Variants in COL13A1 observed in about 807,000 individuals in gnomAD.
COL13A1 encodes the protein collagen type XIII alpha 1 chain.
A neutral mutation model predicts 130.9 loss-of-function variants in COL13A1; 89 were observed. The observed-to-expected ratio is 0.68, with a 90% CI of 0.57 to 0.81. The LOEUF is 0.81. COL13A1 is among the 30% of genes least tolerant of loss of function. The pLI is 0.00. For synonymous variants in COL13A1, 402 were observed against 341.6 expected (o/e 1.18, Z -1.95); for missense variants, 879 against 934.6 (o/e 0.94, Z 0.78).
chr10:69,855,344 C>T (rs1017363549), intron 2 of COL13A1, among the ~76,000 whole-genome samples: 1 of 152,132 alleles, frequency 6.6e-6, no homozygotes, highest in African/African-American at 2.4e-5. Context: ...CACATGCACG[C>T]CTTCACCATG....
chr10:69,916,645 GACCCCAT>G (rs2063955066), intron 17 of COL13A1, among the ~76,000 whole-genome samples: 4 of 152,174 alleles, frequency 2.6e-5, no homozygotes, highest in Middle Eastern at 3.2e-3. Flanking sequence ...ATGGTAGAGC[GACCCCAT>G]GCTGTCCCAG....
chr10:69,827,646 G>A (rs1453495966), intron 2 of COL13A1, among the ~76,000 whole-genome samples: 1 of 152,140 alleles, frequency 6.6e-6, no homozygotes, highest in East Asian at 1.9e-4. Flanking sequence ...CTACGAATAG[G>A]GCTTTATTTT....
At chr10:69,829,628 C>T (rs574625374) in intron 2 of COL13A1, among the ~76,000 whole-genome samples, 1 of 152,226 alleles carries the variant, frequency 6.6e-6, no homozygotes, top group Non-Finnish European at 1.5e-5. Context: ...TGGCCTGCTC[C>T]ACAAGGAAGG....
At chr10:69,806,372 G>A (rs887017879) in intron 1 of COL13A1, among the ~76,000 whole-genome samples, 20 of 152,180 alleles carry the variant, frequency 1.3e-4, no homozygotes, top group Non-Finnish European at 7.3e-5. Context: ...AGGGAGGGCC[G>A]GCCAAGGGGA....
chr10:69,947,218 G>T, intron 37 of COL13A1, 89 bp from the exon 38 acceptor site: 1 of 1,159,412 alleles, frequency 8.6e-7, no homozygotes, highest in South Asian at 1.3e-5. Context: ...GTGAGGCATT[G>T]GGAGAGTTTG....
At chr10:69,867,488 A>C (rs568503845) in intron 2 of COL13A1, among the ~76,000 whole-genome samples, 1 of 152,218 alleles carries the variant, frequency 6.6e-6, no homozygotes, top group Non-Finnish European at 1.5e-5. Context: ...CTTGTACACA[A>C]GTTCAGGCAG....
chr10:69,803,675 G>A (rs1046254699), intron 1 of COL13A1, among the ~76,000 whole-genome samples: 2 of 152,066 alleles, frequency 1.3e-5, no homozygotes, highest in African/African-American at 4.8e-5. Context: ...GGGAAGAAAT[G>A]GGAGAGGATA....
At chr10:69,889,107 C>A (rs932201802) in intron 9 of COL13A1, among the ~76,000 whole-genome samples, 2 of 152,228 alleles carry the variant, frequency 1.3e-5, no homozygotes, top group Admixed American at 6.5e-5. Context: ...ACCAGGCATC[C>A]CCCGAAGCTA....
intron 4 of COL13A1, among the ~76,000 whole-genome samples, chr10:69,873,443 G>T (rs987288967): frequency 6.6e-6 from 1 of 152,182 alleles, no homozygotes; most frequent in African/African-American, 2.4e-5. Context: ...CGAGGGGAAT[G>T]TGGGCAGACT....
intron 2 of COL13A1, among the ~76,000 whole-genome samples, chr10:69,855,259 G>A (rs1476568827): frequency 6.6e-6 from 1 of 152,212 alleles, no homozygotes; most frequent in Admixed American, 6.5e-5. Context: ...AGATGGCATG[G>A]AAGCAGGCCA....
Position 69,889,375 on chromosome 10 carries a change from C to T in COL13A1, c.577-39C>T, listed in dbSNP as rs190943681. On this transcript the variant is annotated intron_variant, in intron 9 of 40. Transcript: ENST00000645393. ...GACAGAGGGTGGAACTTCTGGGCTG[C>T]GAACAGTGCACCTGGTACTCACCCT... 1.9e-4 allele frequency: 306 copies of T among 1,600,382 alleles called. No individual in the cohort carries two copies. In the African/African-American group the frequency reaches 3.1e-3, roughly 16 times the overall value.
At chr10:69,877,964 C>CGT in intron 5 of COL13A1, 75 bp from the exon 6 acceptor site, 1 of 687,174 alleles carries the variant, frequency 1.5e-6, no homozygotes, top group Non-Finnish European at 2.7e-6. Flanking sequence ...CGTGTGGGTG[C>CGT]CTCTTTCTCA....
chr10:69,815,619 T>A (rs1167021129), intron 1 of COL13A1, among the ~76,000 whole-genome samples: 1 of 152,116 alleles, frequency 6.6e-6, no homozygotes, highest in Non-Finnish European at 1.5e-5. Context: ...GTAGCCTAGA[T>A]GGCACACATC....
chr10:69,902,051 G>T (rs961562916), intron 14 of COL13A1, among the ~76,000 whole-genome samples: 2 of 152,168 alleles, frequency 1.3e-5, no homozygotes, highest in Non-Finnish European at 2.9e-5. Flanking sequence ...CTAGGAGGGA[G>T]AGGACAAAAG....
At chr10:69,931,362 C>T (rs1311577873) in intron 30 of COL13A1, 1 of 365,376 alleles carries the variant, frequency 2.7e-6, no homozygotes, top group Non-Finnish European at 5.6e-6. Flanking sequence ...GACGAGGCTG[C>T]CCTAATCCCA....
chr10:69,814,133 G>A (rs965446354), intron 1 of COL13A1, among the ~76,000 whole-genome samples: 1 of 152,248 alleles, frequency 6.6e-6, no homozygotes, highest in Non-Finnish European at 1.5e-5. Context: ...ATGGGATCAA[G>A]TCCCTGCCCT....
chr10:69,869,911 C>G (rs1415620752), intron 3 of COL13A1, among the ~76,000 whole-genome samples: 1 of 152,206 alleles, frequency 6.6e-6, no homozygotes, highest in African/African-American at 2.4e-5. Flanking sequence ...TGAATATGAT[C>G]CTTGCTGAAA....
intron 2 of COL13A1, among the ~76,000 whole-genome samples, chr10:69,858,203 A>T (rs559659342): frequency 4.0e-5 from 6 of 151,888 alleles, no homozygotes; most frequent in Admixed American, 2.6e-4. Flanking sequence ...AGTGGGCAGT[A>T]TCATATGCTT....
intron 17 of COL13A1, among the ~76,000 whole-genome samples, chr10:69,906,591 A>C (rs566748751): frequency 6.6e-6 from 1 of 151,766 alleles, no homozygotes; most frequent in Non-Finnish European, 1.5e-5. Context: ...CTTGTATCAC[A>C]TTTTCTAATG....
Sources: gnomAD v4.1 joint callset for allele counts (sites outside exome capture counted in the v4.1 genomes callset) on GRCh38, gnomAD v4.1.1 for gene constraint, MANE v1.5 for transcripts, NCBI Gene and HGNC (gene_info 2026-07-23, HGNC 2026-07-21) for gene names.